LMF1: variants seen among roughly 807,000 people sequenced by gnomAD.
The protein encoded by LMF1 is lipase maturation factor 1, also known as transmembrane protein 112.
In LMF1, 68 loss-of-function variants were observed where a neutral mutation model predicts 60.6. That is an observed-to-expected ratio of 1.12 (90% confidence interval 0.92 to 1.37). LMF1 has a LOEUF of 1.37. Among genes scored for constraint, LMF1 ranks in the 40% most tolerant of loss-of-function variants. LMF1 has a pLI of 0.00. For missense variants in LMF1, 948 were observed against 767.2 expected, an observed-to-expected ratio of 1.24 and a Z score of -2.78; for synonymous variants, 418 against 324.7, an observed-to-expected ratio of 1.29 and a Z score of -3.09.
intron 6 of LMF1, among the ~76,000 whole-genome samples, chr16:875,830 G>C (rs1259688617): frequency 6.6e-6 from 1 of 152,196 alleles, no homozygotes; most frequent in African/African-American, 2.4e-5. Context: ...CACAGCCCAC[G>C]CAGGAGGTGT....
At chr16:867,420 C>A (rs552586903) in intron 10 of LMF1, among the ~76,000 whole-genome samples, 2 of 152,160 alleles carry the variant, frequency 1.3e-5, no homozygotes, top group Non-Finnish European at 2.9e-5. Flanking sequence ...GCTCCAGGGT[C>A]CCCAGGCACC....
At chr16:870,607 G>A in intron 8 of LMF1, 122 bp downstream of exon 8, 11 of 1,155,854 alleles carry the variant, frequency 9.5e-6, no homozygotes, top group Non-Finnish European at 1.3e-5. Flanking sequence ...GTCAGGCTGG[G>A]GTGGGGCAGG....
In LMF1 at chr16:878,902, C is replaced by T. The variant is rs971359995; in HGVS notation, c.897+668G>A. Among the ~76,000 whole-genome samples, 11 of 152,194 alleles carry T rather than the reference C, an allele frequency of 7.2e-5. No homozygotes were observed. The highest frequency in any genetic ancestry group is 2.4e-4 in the African/African-American group (10 of 41,444). Reference sequence around the variant, plus strand: ...GAGAGAGAGAACCACCTTTAAAATCCCCACCACATTTTCCTTGGGAATTGA... The same window carrying T: ...GAGAGAGAGAACCACCTTTAAAATCTCCACCACATTTTCCTTGGGAATTGA... On this transcript the variant is annotated intron_variant, in intron 6 of 10. Transcript: ENST00000262301. This position sits in a 1 kb window ranked among gnomAD's most constrained non-coding sequence, Gnocchi z 5.2.
intron 10 of LMF1, among the ~76,000 whole-genome samples, chr16:866,556 ATCCT>A (rs2069615427): frequency 6.6e-6 from 1 of 151,776 alleles, no homozygotes; most frequent in Non-Finnish European, 1.5e-5. Flanking sequence ...GAAGCGGGGG[ATCCT>A]TCCTGCCCAC....
In LMF1 at chr16:946,000, C is replaced by G. The variant is rs116569141; in HGVS notation, c.503+8357G>C. 9.5e-3 allele frequency among the ~76,000 whole-genome samples: 1,448 copies of G among 152,296 alleles called. 24 individuals carry two copies. The highest frequency in any genetic ancestry group is 0.032 in the African/African-American group (1,317 of 41,556). Reference sequence around the variant, plus strand: ...TGTTATGCAGCAATGATAGGAAACCCTCTGGAAACAGCTGACATGGACACC... The same window carrying G: ...TGTTATGCAGCAATGATAGGAAACCGTCTGGAAACAGCTGACATGGACACC... On this transcript the variant is annotated intron_variant, in intron 2 of 10. Coordinates refer to ENST00000262301, the MANE Select transcript of LMF1 (RefSeq NM_022773.4).
chr16:958,103 T>C (rs2072745585), intron 1 of LMF1, among the ~76,000 whole-genome samples: 1 of 152,134 alleles, frequency 6.6e-6, no homozygotes, highest in Non-Finnish European at 1.5e-5. Flanking sequence ...CCAAAAAGGA[T>C]CATAGACCTA....
intron 2 of LMF1, among the ~76,000 whole-genome samples, chr16:951,331 A>G (rs534839076): frequency 2.0e-5 from 3 of 151,750 alleles, no homozygotes; most frequent in Admixed American, 2.0e-4. Flanking sequence ...GACAACGACA[A>G]AGTCAGAGAC....
At chr16:870,590 T>C in intron 8 of LMF1, 139 bp downstream of exon 8, 2 of 992,382 alleles carry the variant, frequency 2.0e-6, no homozygotes, top group South Asian at 1.5e-5. Flanking sequence ...GCACGGCCTG[T>C]GCCTGGGTCA....
At chr16:881,376 G>A (rs1033602512) in intron 5 of LMF1, 1 of 152,298 alleles carries the variant, frequency 6.6e-6, no homozygotes, top group Non-Finnish European at 1.5e-5. Flanking sequence ...GTGTGGCAGT[G>A]TCGCATGCTG....
chr16:981,144 C>G lies in LMF1; in HGVS notation c.-135+1G>C, dbSNP rs1418238997. On this transcript the variant is annotated splice_donor_variant, in intron 1 of 6. Coordinates refer to the LMF1 transcript ENST00000570014. LOFTEE classifies it low-confidence loss of function (5UTR_SPLICE). ...AGCCGCGGCCCCTTGAAGCGCGTTACCTGGACGTGCGCTGTCCGCAGACTC... is the reference window on the plus strand; with the variant it reads ...AGCCGCGGCCCCTTGAAGCGCGTTAGCTGGACGTGCGCTGTCCGCAGACTC... 1 of 445,738 alleles carries G rather than the reference C, an allele frequency of 2.2e-6. No individual in the cohort carries two copies. Among genetic ancestry groups the G allele is most frequent in the African/African-American group, 2.0e-5 (1 of 49,030 alleles). The allele number at this position is 445,738 out of a possible 1,614,324, so 27.6% of individuals were successfully genotyped here. A position where few individuals can be genotyped will look rare whatever the true frequency, so the allele number is the denominator to read the frequency against.
chr16:966,294 A>G (rs1203255193), intron 1 of LMF1, among the ~76,000 whole-genome samples: 3 of 152,154 alleles, frequency 2.0e-5, no homozygotes, highest in Admixed American at 2.0e-4. Context: ...GGCAGCAGGG[A>G]GCGTGTGTCC....
At chr16:977,752 G>A (rs117487837) in intron 1 of LMF1, among the ~76,000 whole-genome samples, 2,231 of 152,010 alleles carry the variant, frequency 0.015, 28 homozygotes, top group Non-Finnish European at 0.025. Context: ...GGGAGGGACA[G>A]GGGCCTCTCC....
At chr16:979,659 T>C (rs527794709) in intron 1 of LMF1, 1 of 454,134 alleles carries the variant, frequency 2.2e-6, no homozygotes, top group Non-Finnish European at 4.4e-6. Flanking sequence ...GAGGCCACCC[T>C]GCCTGCTCGC....
At chr16:876,329 G>A (rs1264657258) in intron 6 of LMF1, among the ~76,000 whole-genome samples, 7 of 152,220 alleles carry the variant, frequency 4.6e-5, no homozygotes, top group African/African-American at 7.2e-5. Flanking sequence ...ACGGAGGGTC[G>A]GCGGGGCACA....
At chr16:945,210 TC>T (rs1289815072) in intron 2 of LMF1, among the ~76,000 whole-genome samples, 1 of 45,320 alleles carries the variant, frequency 2.2e-5, no homozygotes, top group Non-Finnish European at 3.4e-5. Context: ...AGACTCCATC[TC>T]AAAAAAAAAA....
At chr16:979,832 AAC>A in intron 1 of LMF1, 1 of 447,288 alleles carries the variant, frequency 2.2e-6, no homozygotes, top group South Asian at 1.6e-5. Flanking sequence ...CTTCCACTTA[AAC>A]CCCCACTTCT....
chr16:928,691 C>A lies in LMF1; in HGVS notation c.514+5553G>T, dbSNP rs1199495636. 3.3e-5 allele frequency among the ~76,000 whole-genome samples: 5 copies of A among 151,700 alleles called. No individual in the cohort carries two copies. The East Asian group carries it at 9.7e-4, about 30-fold the overall frequency. ...CTGCACGAGCCCATCCCCACGCCCCCACGAGCCCCTCCCCACATCCCCACG... is the reference window on the plus strand; with the variant it reads ...CTGCACGAGCCCATCCCCACGCCCCAACGAGCCCCTCCCCACATCCCCACG... On this transcript the variant is annotated intron_variant, in intron 3 of 10. Coordinates refer to ENST00000262301, the MANE Select transcript of LMF1 (RefSeq NM_022773.4).
chr16:876,239 G>A (rs900291286), intron 6 of LMF1, among the ~76,000 whole-genome samples: 2 of 152,266 alleles, frequency 1.3e-5, no homozygotes, highest in Non-Finnish European at 2.9e-5. Context: ...ACGCGCGGCC[G>A]CGGAGGGCAG....
chr16:891,379 A>G (rs906300983), intron 5 of LMF1, among the ~76,000 whole-genome samples: 13 of 152,344 alleles, frequency 8.5e-5, no homozygotes, highest in African/African-American at 2.6e-4. Context: ...GCCACTCCAT[A>G]GAGAAGGCAT....
Sources: allele counts gnomAD v4.1 joint callset (sites outside exome capture counted in the v4.1 genomes callset), GRCh38; gene constraint gnomAD v4.1.1; non-coding constraint Gnocchi (gnomAD v3.1); transcripts MANE v1.5; gene names NCBI Gene and HGNC (gene_info 2026-07-23, HGNC 2026-07-21).